Variants in MAN2A1 observed in about 807,000 individuals in gnomAD.
MAN2A1 encodes mannosidase alpha class 2A member 1, also known as alpha-mannosidase 2.
In MAN2A1, 76 loss-of-function variants were observed where a neutral mutation model predicts 142.6. The observed-to-expected ratio is 0.53, with a 90% CI of 0.44 to 0.65. The LOEUF (loss-of-function observed/expected upper bound fraction) is 0.65. MAN2A1 is among the 30% of genes least tolerant of loss of function. The probability of loss-of-function intolerance (pLI) is 0.00; values close to 1 mark genes in which losing one functional copy is unlikely to be tolerated. For missense variants in MAN2A1, 1,311 were observed against 1,365.1 expected, an observed-to-expected ratio of 0.96 and a Z score of 0.62; for synonymous variants, 559 against 473.2, an observed-to-expected ratio of 1.18 and a Z score of -2.35.
chr5:109,825,180 A>G (rs1471510114), intron 16 of MAN2A1, among the ~76,000 whole-genome samples: 1 of 152,176 alleles, frequency 6.6e-6, no homozygotes, highest in Non-Finnish European at 1.5e-5. Flanking sequence ...CTCTTGTGTA[A>G]GCCATTATTT....
At chr5:109,779,682 A>G (rs1753398286) in intron 8 of MAN2A1, among the ~76,000 whole-genome samples, 1 of 152,118 alleles carries the variant, frequency 6.6e-6, no homozygotes, top group Admixed American at 6.5e-5. Context: ...TAAATTGCTT[A>G]AAGTACTTTA....
At chr5:109,833,128 C>A (rs1044947143) in intron 16 of MAN2A1, among the ~76,000 whole-genome samples, 5 of 150,654 alleles carry the variant, frequency 3.3e-5, no homozygotes, top group Admixed American at 1.3e-4. Flanking sequence ...CGGGCAGAGA[C>A]GCTCCTCACT....
At chr5:109,822,836 T>C (rs1219904347) in intron 15 of MAN2A1, among the ~76,000 whole-genome samples, 1 of 152,034 alleles carries the variant, frequency 6.6e-6, no homozygotes, top group African/African-American at 2.4e-5. Flanking sequence ...CGCCACCAAG[T>C]CTGGCTAATT....
intron 16 of MAN2A1, among the ~76,000 whole-genome samples, chr5:109,824,825 A>G (rs539359134): frequency 6.6e-6 from 1 of 152,110 alleles, no homozygotes; most frequent in Non-Finnish European, 1.5e-5. Flanking sequence ...GTTAAATTTA[A>G]TTTTGCTTTT....
chr5:109,761,651 T>G (rs955680626), intron 5 of MAN2A1, among the ~76,000 whole-genome samples: 3 of 152,084 alleles, frequency 2.0e-5, no homozygotes, highest in Admixed American at 2.0e-4. Flanking sequence ...TGTACTACAT[T>G]TGTATTTTTT....
intron 12 of MAN2A1, among the ~76,000 whole-genome samples, chr5:109,805,645 A>T (rs1704227020): frequency 6.6e-6 from 1 of 152,172 alleles, no homozygotes; most frequent in South Asian, 2.1e-4. Flanking sequence ...CATCTCTGTC[A>T]CTAACCAGCT....
At position 109,767,542 on chromosome 5, in the gene MAN2A1, A is replaced by G. The variant is rs777244392; in HGVS notation, c.843A>G (p.Lys281=). 2.0e-5 allele frequency: 32 copies of G among 1,611,084 alleles called. No homozygotes were observed. The highest frequency in any genetic ancestry group is 2.5e-5 in the Non-Finnish European group (29 of 1,179,088). Residue 281 remains lysine (K), a synonymous_variant, in exon 6 of 22, where the codon AAA becomes AAG. Coordinates refer to ENST00000261483, the MANE Select transcript of MAN2A1 (RefSeq NM_002372.4). ...TATCATCTTTATCCACAGGAGTGAA[A>G]CCTCGGTCCGGCTGGGCTATTGATC... ...HQWLENNIGV[K]PRSGWAIDPF... is the part of the protein sequence containing the mutation.
chr5:109,767,405 A>G, intron 5 of MAN2A1, 130 bp from the exon 6 acceptor site: 1 of 642,884 alleles, frequency 1.6e-6, no homozygotes, highest in Non-Finnish European at 2.5e-6. Context: ...GGCAGAGGAT[A>G]ATGCTGGGTA....
In MAN2A1 at chr5:109,789,469, CA is replaced by C; in HGVS notation, c.1890del (p.Lys630AsnfsTer11). ...CTGTTCATTTTTATAGGATTTGAAA[CA>C]AAAATCACAAGATTCTCTGCCACAA... ...PDTFLEMDLK[Q>X]KSQDSLPQKN... On this transcript the variant is annotated frameshift_variant, in exon 12 of 22. Coordinates refer to ENST00000261483, the MANE Select transcript of MAN2A1 (RefSeq NM_002372.4). LOFTEE classifies it high-confidence loss of function. 6.3e-7 allele frequency: 1 copy of C among 1,579,552 alleles called. No individual in the cohort carries two copies. The highest frequency in any genetic ancestry group is 1.1e-5 in the South Asian group (1 of 87,216).
intron 13 of MAN2A1, among the ~76,000 whole-genome samples, chr5:109,819,102 A>G (rs151013364): frequency 1.4e-3 from 212 of 152,238 alleles, no homozygotes; most frequent in African/African-American, 4.7e-3. Flanking sequence ...CAACTATTCT[A>G]TTTTTCGCTT....
intron 16 of MAN2A1, among the ~76,000 whole-genome samples, chr5:109,828,654 G>A (rs1039703804): frequency 2.0e-5 from 3 of 152,178 alleles, no homozygotes; most frequent in Admixed American, 6.5e-5. Flanking sequence ...GTTTGTTAGC[G>A]AGTTAGTATG....
At chr5:109,695,139 C>A (rs951392482) in intron 1 of MAN2A1, among the ~76,000 whole-genome samples, 5 of 152,166 alleles carry the variant, frequency 3.3e-5, no homozygotes, top group Admixed American at 6.5e-5. Context: ...TCACTAAGAC[C>A]CAAACTTATT....
At position 109,789,086 on chromosome 5, in the gene MAN2A1, A is replaced by G. The variant is rs7722057; in HGVS notation, c.1875+38A>G. 1.1e-3 allele frequency: 1,171 copies of G among 1,064,400 alleles called. 9 individuals carry two copies. The African/African-American group carries it at 0.017, about 15-fold the overall frequency. The allele number at this position is 1,064,400 out of a possible 1,614,324, so 65.9% of individuals were successfully genotyped here. ...ATCTATGGTCATCATAAAAATGTGT[A>G]ATTCCATTGTTCTTGCATTAGCAAA... On this transcript the variant is annotated intron_variant, in intron 11 of 21. Coordinates refer to ENST00000261483, the MANE Select transcript of MAN2A1 (RefSeq NM_002372.4).
intron 16 of MAN2A1, among the ~76,000 whole-genome samples, chr5:109,825,900 CTTTTTTTTTTT>C (rs869069525): frequency 4.3e-5 from 4 of 92,184 alleles, no homozygotes; most frequent in African/African-American, 1.6e-4. Context: ...TCTTTCCTTC[CTTTTTTTTTTT>C]TTTTTTTTTT....
chr5:109,698,918 A>T (rs1418651876), intron 1 of MAN2A1, among the ~76,000 whole-genome samples: 1 of 151,974 alleles, frequency 6.6e-6, no homozygotes, highest in African/African-American at 2.4e-5. Flanking sequence ...CCATTTCTTT[A>T]TGTTCCATGT....
At chr5:109,691,623 T>C (rs1750675855) in intron 1 of MAN2A1, among the ~76,000 whole-genome samples, 1 of 152,258 alleles carries the variant, frequency 6.6e-6, no homozygotes, top group South Asian at 2.1e-4. Flanking sequence ...GGCTTGAATT[T>C]AATTGAGATT....
Position 109,820,325 on chromosome 5 carries a change from C to T in MAN2A1, c.2434C>T (p.Pro812Ser). The change falls in exon 15 of 22, where the codon CCT becomes TCT. Residue 812 changes from proline (P) to serine (S), a missense_variant. Physicochemically the swap from Pro to Ser is moderately conservative, Grantham distance 74. Transcript: ENST00000261483. The stretch of plus-strand genomic sequence containing the variant: ...CAAAAGTGGTGCCTACCTCTTCTTA[C>T]CTGATGGTAATGCCAAGGTAAGTGG... ...RDKSGAYLFL[P>S]DGNAKPYVYT... is the part of the protein sequence containing the mutation. 2 of 1,612,562 alleles carry T rather than the reference C, an allele frequency of 1.2e-6. No homozygotes were observed. The highest frequency in any genetic ancestry group is 1.7e-6 in the Non-Finnish European group (2 of 1,179,332).
chr5:109,790,144 A>C (rs1024701459), intron 12 of MAN2A1, among the ~76,000 whole-genome samples: 3 of 151,820 alleles, frequency 2.0e-5, no homozygotes, highest in Non-Finnish European at 4.4e-5. Context: ...TAATAACCAA[A>C]TATTTGTTGG....
intron 7 of MAN2A1, among the ~76,000 whole-genome samples, chr5:109,771,870 G>A (rs1753154121): frequency 6.6e-6 from 1 of 152,124 alleles, no homozygotes; most frequent in Admixed American, 6.6e-5. Context: ...TCATAGTATT[G>A]TGAGCCCTTT....
Sources: gnomAD v4.1 joint callset for allele counts (sites outside exome capture counted in the v4.1 genomes callset) on GRCh38, gnomAD v4.1.1 for gene constraint, MANE v1.5 for transcripts, NCBI Gene and HGNC (gene_info 2026-07-23, HGNC 2026-07-21) for gene names.